The following PHEX variants were observed in gnomAD, a reference collection of about 807,000 sequenced individuals.
PHEX encodes phosphate regulating endopeptidase X-linked, also known as phosphate-regulating neutral endopeptidase PHEX.
PHEX carries 16 observed loss-of-function variants against 68.0 expected under a neutral mutation model. The observed-to-expected ratio is 0.24, with a 90% CI of 0.16 to 0.36. PHEX has a LOEUF of 0.36. Ranked by LOEUF, PHEX falls within the 10% of genes least tolerant of loss-of-function variation. The pLI is 1.00. For missense variants in PHEX, 480 were observed against 575.5 expected, an observed-to-expected ratio of 0.83 and a Z score of 1.70; for synonymous variants, 208 against 205.1, an observed-to-expected ratio of 1.01 and a Z score of -0.12.
intron 11 of PHEX, among the ~76,000 whole-genome samples, chrX:22,129,058 T>C (rs895220901): frequency 3.6e-5 from 4 of 111,459 alleles, no homozygotes; most frequent in African/African-American, 9.8e-5. Context: ...TCTCTCTTTC[T>C]CTCAAAGTAT....
intron 17 of PHEX, among the ~76,000 whole-genome samples, chrX:22,220,278 C>T (rs1401982118): frequency 9.0e-6 from 1 of 111,535 alleles, no homozygotes; most frequent in Non-Finnish European, 1.9e-5. Flanking sequence ...TCCTGGATGC[C>T]TACCCCAGGG....
intron 12 of PHEX, among the ~76,000 whole-genome samples, chrX:22,161,194 A>G (rs1933115172): frequency 8.9e-6 from 1 of 112,477 alleles, no homozygotes; most frequent in African/African-American, 3.2e-5. Context: ...AGAATGTTTT[A>G]TATGTTCTCA....
chrX:22,142,460 A>C (rs986562981), intron 12 of PHEX, among the ~76,000 whole-genome samples: 3 of 111,894 alleles, frequency 2.7e-5, no homozygotes, highest in Non-Finnish European at 5.6e-5. Context: ...GAAAAGGTCA[A>C]CTCTTTCCTT....
At chrX:22,227,209 G>GTGTT (rs1352618198) in intron 19 of PHEX, among the ~76,000 whole-genome samples, 2 of 112,476 alleles carry the variant, frequency 1.8e-5, no homozygotes, top group Non-Finnish European at 3.8e-5. Flanking sequence ...CCTTGCCATT[G>GTGTT]TGTTAGATTT....
At chrX:22,097,272 T>A (rs188893812) in intron 8 of PHEX, among the ~76,000 whole-genome samples, 55 of 112,686 alleles carry the variant, frequency 4.9e-4, no homozygotes, top group African/African-American at 1.7e-3. Context: ...TATTCTCACA[T>A]GACAAAAGTC....
At chrX:22,206,586 C>T (rs1008262970) in intron 15 of PHEX, among the ~76,000 whole-genome samples, 2 of 111,001 alleles carry the variant, frequency 1.8e-5, no homozygotes, top group Non-Finnish European at 3.8e-5. Context: ...GAATAACATC[C>T]TGCCCCTTAA....
In PHEX at chrX:22,249,451, AAAAAATATATATATAT is replaced by A. The variant is rs1234876270; in HGVS notation, c.*1500_*1515del. Reference sequence around the variant, plus strand: ...TGATTTGTGATTCTTTTAAAAAAAAAAAAAATATATATATATATATATATATATATATATATGTATA... The same window carrying A: ...TGATTTGTGATTCTTTTAAAAAAAAAATATATATATATATATATATGTATA... On this transcript the variant is annotated 3_prime_UTR_variant, in exon 22 of 22. Transcript: ENST00000379374. 3.5e-5 allele frequency: 1 copy of A among 28,521 alleles called. No homozygotes were observed. The highest frequency in any genetic ancestry group is 3.9e-4 in the Admixed American group (1 of 2,537). The allele number at this position is 28,521 out of a possible 1,213,427, so 2.4% of individuals were successfully genotyped here.
chrX:22,049,905 G>A (rs1188137295), intron 3 of PHEX, among the ~76,000 whole-genome samples: 1 of 110,480 alleles, frequency 9.1e-6, no homozygotes, highest in Non-Finnish European at 1.9e-5. Context: ...ATATTTTTTT[G>A]ATGTTTTAAA....
chrX:22,108,896 C>T (rs1249300077), intron 9 of PHEX, among the ~76,000 whole-genome samples: 1 of 105,373 alleles, frequency 9.5e-6, no homozygotes, highest in Non-Finnish European at 1.9e-5. Flanking sequence ...GAGTGGAGAT[C>T]GCGCCATTGC....
chrX:22,246,203 C>G (rs1936386999), intron 21 of PHEX, among the ~76,000 whole-genome samples: 2 of 111,624 alleles, frequency 1.8e-5, no homozygotes, highest in Admixed American at 1.9e-4. Flanking sequence ...TCACCCTGTA[C>G]TCGGTCGTAC....
intron 3 of PHEX, among the ~76,000 whole-genome samples, chrX:22,053,510 T>A (rs1927933488): frequency 8.9e-6 from 1 of 111,998 alleles, no homozygotes; most frequent in African/African-American, 3.2e-5. Flanking sequence ...TGAGATTTTT[T>A]AAAAAGCCGA....
At chrX:22,226,654 C>T in intron 19 of PHEX, 146 bp downstream of exon 19, 2 of 541,118 alleles carry the variant, frequency 3.7e-6, no homozygotes, top group East Asian at 6.6e-5. Flanking sequence ...TGTGTCTCCC[C>T]ATTGACCCTA....
At chrX:22,174,978 A>G (rs1224410717) in intron 13 of PHEX, among the ~76,000 whole-genome samples, 1 of 111,708 alleles carries the variant, frequency 9.0e-6, no homozygotes, top group African/African-American at 3.3e-5. Flanking sequence ...TGGACGGTGT[A>G]GCTTTGCCAA....
At chrX:22,204,382 A>G (rs1174850998) in intron 15 of PHEX, among the ~76,000 whole-genome samples, 1 of 112,207 alleles carries the variant, frequency 8.9e-6, no homozygotes, top group Non-Finnish European at 1.9e-5. Flanking sequence ...ATCTACTCCC[A>G]CGTATCCAGT....
At chrX:22,180,975 T>TAC (rs1556075340) in intron 14 of PHEX, among the ~76,000 whole-genome samples, 1 of 112,308 alleles carries the variant, frequency 8.9e-6, no homozygotes, top group Admixed American at 9.4e-5. Context: ...TGTATATATA[T>TAC]ACCACATTTT....
At chrX:22,092,749 C>T (rs868209422) in intron 6 of PHEX, among the ~76,000 whole-genome samples, 13 of 77,902 alleles carry the variant, frequency 1.7e-4, no homozygotes, top group Admixed American at 3.0e-4. Flanking sequence ...TTCTTTCTTT[C>T]TTTTTTTTTT....
At chrX:22,067,309 A>G (rs776438015) in intron 3 of PHEX, among the ~76,000 whole-genome samples, 2 of 110,911 alleles carry the variant, frequency 1.8e-5, no homozygotes, top group East Asian at 5.6e-4. Context: ...TCTTTCTGGC[A>G]TAGTGCTAAT....
chrX:22,149,287 A>G (rs1195307241), intron 12 of PHEX, among the ~76,000 whole-genome samples: 1 of 112,014 alleles, frequency 8.9e-6, no homozygotes, highest in Non-Finnish European at 1.9e-5. Flanking sequence ...AAGGATTAGA[A>G]CTGAGTGGAA....
At chrX:22,234,374 C>A (rs2067849853) in intron 20 of PHEX, among the ~76,000 whole-genome samples, 1 of 112,182 alleles carries the variant, frequency 8.9e-6, no homozygotes, top group Non-Finnish European at 1.9e-5. Context: ...CCACAGCTGC[C>A]CCTTCCCCCA....
Sources: gnomAD v4.1 joint callset for allele counts (sites outside exome capture counted in the v4.1 genomes callset) on GRCh38, gnomAD v4.1.1 for gene constraint, MANE v1.5 for transcripts, NCBI Gene and HGNC (gene_info 2026-07-23, HGNC 2026-07-21) for gene names.